The following ANKRD33B variants were observed in gnomAD, a reference collection of about 807,000 sequenced individuals.
ANKRD33B encodes ankyrin repeat domain 33B, also known as ankyrin repeat domain-containing protein 33B.
A neutral mutation model predicts 21.5 loss-of-function variants in ANKRD33B; 6 were observed. That is an observed-to-expected ratio of 0.28 (90% CI 0.15 to 0.55). The LOEUF (loss-of-function observed/expected upper bound fraction) is 0.55, where lower values mean the gene tolerates loss of function less well. Ranked by LOEUF, ANKRD33B falls within the 20% of genes least tolerant of loss-of-function variation. The pLI, the probability that ANKRD33B is intolerant of heterozygous loss-of-function variation, is 0.94. For synonymous variants in ANKRD33B, 347 were observed against 342.4 expected, an observed-to-expected ratio of 1.01 and a Z score of -0.15; for missense variants, 698 against 747.2, an observed-to-expected ratio of 0.93 and a Z score of 0.77.
Position 10,630,265 on chromosome 5 carries a change from G to A in ANKRD33B, c.497-7763G>A, listed in dbSNP as rs1398241250. Reference sequence around the variant, plus strand: ...GGGCAAGTCGGGGACCTGTTCTTGGGCACTTCGGCTGGGGCAGCTCTGCTG... The same window carrying A: ...GGGCAAGTCGGGGACCTGTTCTTGGACACTTCGGCTGGGGCAGCTCTGCTG... On this transcript the variant is annotated intron_variant, in intron 2 of 3. Transcript: ENST00000296657. Among the ~76,000 whole-genome samples, 3 of 152,320 alleles carry A rather than the reference G, an allele frequency of 2.0e-5. No individual in the cohort carries two copies. In the East Asian group the frequency reaches 5.8e-4, roughly 29 times the overall value.
rs568903445 is a variant in ANKRD33B at position 10,589,190 on chromosome 5, C to A, written c.366+24357C>A. Among the ~76,000 whole-genome samples, 8 of 152,244 alleles carry A rather than the reference C, an allele frequency of 5.3e-5. No individual in the cohort carries two copies. The East Asian group carries it at 1.2e-3, about 22-fold the overall frequency. On this transcript the variant is annotated intron_variant, in intron 1 of 3. Coordinates refer to ENST00000296657, the MANE Select transcript of ANKRD33B (RefSeq NM_001164440.2). ...TGCTGTGGGAAACCCACCTAGGTAA[C>A]CCCATAAAGGATCCAACCCACAGGC...
intron 1 of ANKRD33B, among the ~76,000 whole-genome samples, chr5:10,582,785 C>T (rs990216371): frequency 2.6e-5 from 4 of 152,204 alleles, no homozygotes; most frequent in African/African-American, 9.6e-5. Flanking sequence ...GCTCCTTTGC[C>T]GCATGGCTTC....
chr5:10,611,862 G>A (rs1302587624), intron 1 of ANKRD33B, among the ~76,000 whole-genome samples: 2 of 152,206 alleles, frequency 1.3e-5, no homozygotes, highest in Non-Finnish European at 2.9e-5. Context: ...ATTGGGAAGG[G>A]TTTGCCTTGT....
At chr5:10,593,205 TAGTTG>T (rs55986846) in intron 1 of ANKRD33B, among the ~76,000 whole-genome samples, 53,824 of 151,832 alleles carry the variant, frequency 0.35, 10,982 homozygotes, top group East Asian at 0.59. Flanking sequence ...CAGCTATTAT[TAGTTG>T]AGTCAACTGG....
chr5:10,578,662 A>G (rs1735374824), intron 1 of ANKRD33B, among the ~76,000 whole-genome samples: 1 of 152,246 alleles, frequency 6.6e-6, no homozygotes, highest in South Asian at 2.1e-4. Flanking sequence ...CAGTTAAGAT[A>G]TGCTAGAGAA....
chr5:10,612,245 T>A (rs944994387), intron 1 of ANKRD33B, among the ~76,000 whole-genome samples: 1 of 152,228 alleles, frequency 6.6e-6, no homozygotes, highest in Non-Finnish European at 1.5e-5. Context: ...GGGTGGCTTA[T>A]AAACAATGGA....
chr5:10,572,404 T>C (rs986236694), intron 1 of ANKRD33B, among the ~76,000 whole-genome samples: 1 of 152,050 alleles, frequency 6.6e-6, no homozygotes, highest in Non-Finnish European at 1.5e-5. Flanking sequence ...CCAGGGGCTT[T>C]GGAGGCAATG....
chr5:10,634,161 A>G (rs1736800535), intron 2 of ANKRD33B, among the ~76,000 whole-genome samples: 1 of 152,238 alleles, frequency 6.6e-6, no homozygotes, highest in Non-Finnish European at 1.5e-5. Flanking sequence ...CTGACTTCCA[A>G]AAGACACCCG....
Position 10,655,633 on chromosome 5 carries a change from T to TA in ANKRD33B, c.*5520_*5521insA, listed in dbSNP as rs796268092. The TA allele has an allele frequency of 4.6e-5, 7 of 152,432 alleles. No homozygotes were observed. The highest frequency in any genetic ancestry group is 1.7e-4 in the African/African-American group (7 of 41,554). 9.4% of individuals were successfully genotyped at this position (152,432 alleles called of 1,614,324 possible). A position where few individuals can be genotyped will look rare whatever the true frequency, so the allele number is the denominator to read the frequency against. On this transcript the variant is annotated 3_prime_UTR_variant, in exon 4 of 4. Transcript: ENST00000296657. ...TCCTGCGGTGGTCAGAGTCCCCCTG[T>TA]GCTGTGTCAGCTCCTGGACACTACT...
intron 1 of ANKRD33B, among the ~76,000 whole-genome samples, chr5:10,603,218 T>G (rs1223243969): frequency 6.6e-6 from 1 of 152,162 alleles, no homozygotes; most frequent in Non-Finnish European, 1.5e-5. Context: ...CTTGTGTAGT[T>G]AAGCAGGAGA....
chr5:10,584,776 C>T (rs1327370068), intron 1 of ANKRD33B, among the ~76,000 whole-genome samples: 3 of 152,194 alleles, frequency 2.0e-5, no homozygotes, highest in South Asian at 4.1e-4. Context: ...GAAACAATAA[C>T]AAGCTCAAAT....
chr5:10,587,902 A>T (rs1344298437), intron 1 of ANKRD33B, among the ~76,000 whole-genome samples: 1 of 152,142 alleles, frequency 6.6e-6, no homozygotes. Context: ...TAATGCTCTG[A>T]TGTATGAATG....
At chr5:10,637,705 C>T (rs987115593) in intron 2 of ANKRD33B, among the ~76,000 whole-genome samples, 1 of 152,086 alleles carries the variant, frequency 6.6e-6, no homozygotes, top group African/African-American at 2.4e-5. Flanking sequence ...TCTGAGGCTG[C>T]GCTCCCTACC....
chr5:10,569,929 T>G (rs1735140953), intron 1 of ANKRD33B, among the ~76,000 whole-genome samples: 1 of 152,166 alleles, frequency 6.6e-6, no homozygotes, highest in African/African-American at 2.4e-5. Flanking sequence ...CAGTCTAGAG[T>G]GCAGTGGTGT....
chr5:10,647,828 T>G (rs1404184245), intron 3 of ANKRD33B, among the ~76,000 whole-genome samples: 1 of 152,180 alleles, frequency 6.6e-6, no homozygotes, highest in Non-Finnish European at 1.5e-5. Flanking sequence ...CTCAACTAAT[T>G]GGGCGAGGCC....
At chr5:10,567,957 G>C (rs1735096432) in intron 1 of ANKRD33B, among the ~76,000 whole-genome samples, 1 of 152,216 alleles carries the variant, frequency 6.6e-6, no homozygotes, top group South Asian at 2.1e-4. Context: ...ATCTCTAAAG[G>C]CGTCTAAACT....
intron 1 of ANKRD33B, among the ~76,000 whole-genome samples, chr5:10,590,616 G>A (rs1471506403): frequency 3.9e-5 from 6 of 152,140 alleles, no homozygotes; most frequent in Non-Finnish European, 7.4e-5. Flanking sequence ...GCGTGTGTGT[G>A]TGTGTGTGTG....
intron 1 of ANKRD33B, among the ~76,000 whole-genome samples, chr5:10,594,817 G>A (rs542244802): frequency 1.4e-4 from 21 of 152,280 alleles, no homozygotes; most frequent in African/African-American, 4.6e-4. Flanking sequence ...TGGGTCCTTC[G>A]GGGAAAGTGG....
intron 2 of ANKRD33B, among the ~76,000 whole-genome samples, chr5:10,632,631 C>T (rs56154219): frequency 0.42 from 63,699 of 151,666 alleles, 13,558 homozygotes; most frequent in Middle Eastern, 0.55. Context: ...TGAATGCTCC[C>T]GTGGCTTCCT....
Sources: allele counts gnomAD v4.1 joint callset (sites outside exome capture counted in the v4.1 genomes callset), GRCh38; gene constraint gnomAD v4.1.1; transcripts MANE v1.5; gene names NCBI Gene and HGNC (gene_info 2026-07-23, HGNC 2026-07-21).